Variants in TNNI3K observed in about 807,000 individuals in gnomAD.
TNNI3K encodes the protein TNNI3 interacting kinase.
TNNI3K carries 140 observed loss-of-function variants against 114.5 expected under a neutral mutation model. That is an observed-to-expected ratio of 1.22 (90% CI 1.07 to 1.41). TNNI3K has a LOEUF of 1.41. Among genes scored for constraint, TNNI3K ranks in the 40% most tolerant of loss-of-function variants. TNNI3K has a pLI of 0.00. For synonymous variants in TNNI3K, 347 were observed against 347.5 expected (o/e 1.00, Z 0.02); for missense variants, 1,125 against 1,007.6 (o/e 1.12, Z -1.58).
intron 23 of TNNI3K, among the ~76,000 whole-genome samples, chr1:74,538,314 G>A (rs1032623962): frequency 6.6e-6 from 1 of 152,068 alleles, no homozygotes; most frequent in African/African-American, 2.4e-5. Flanking sequence ...GCTGTGGTAA[G>A]GCTTTTATTA....
At chr1:74,473,656 A>G (rs1396828212) in intron 21 of TNNI3K, among the ~76,000 whole-genome samples, 2 of 152,036 alleles carry the variant, frequency 1.3e-5, no homozygotes, top group Admixed American at 1.3e-4. Context: ...CCCAAGAGGT[A>G]AACTAAGTTC....
At chr1:74,394,532 T>C (rs1037446136) in intron 17 of TNNI3K, among the ~76,000 whole-genome samples, 1 of 152,170 alleles carries the variant, frequency 6.6e-6, no homozygotes, top group Non-Finnish European at 1.5e-5. Context: ...GATGCCTGCT[T>C]GTCAGCAACC....
intron 13 of TNNI3K, among the ~76,000 whole-genome samples, chr1:74,368,297 A>G (rs1039264315): frequency 6.6e-6 from 1 of 151,802 alleles, no homozygotes; most frequent in African/African-American, 2.4e-5. Context: ...ATGTGAAAAA[A>G]TATATATTAT....
intron 17 of TNNI3K, among the ~76,000 whole-genome samples, chr1:74,377,362 C>G (rs986971918): frequency 6.6e-6 from 1 of 151,942 alleles, no homozygotes; most frequent in Non-Finnish European, 1.5e-5. Flanking sequence ...CAGAATAGGT[C>G]CCAAGATTTG....
chr1:74,275,276 G>C (rs867329113), intron 5 of TNNI3K, among the ~76,000 whole-genome samples: 1 of 151,994 alleles, frequency 6.6e-6, no homozygotes, highest in Non-Finnish European at 1.5e-5. Context: ...AGCAAGTCAC[G>C]TCTTACATGG....
intron 17 of TNNI3K, among the ~76,000 whole-genome samples, chr1:74,426,761 G>T (rs925643): frequency 0.61 from 92,404 of 151,770 alleles, 32,766 homozygotes; most frequent in East Asian, 0.81. Context: ...CATTGCCAGA[G>T]AGTTATTCTT....
chr1:74,259,682 A>G (rs963761367), intron 4 of TNNI3K, among the ~76,000 whole-genome samples: 1 of 152,162 alleles, frequency 6.6e-6, no homozygotes, highest in Admixed American at 6.5e-5. Context: ...CTAAGGTGGG[A>G]GAATCACTTG....
At chr1:74,346,756 T>C (rs1427630180) in intron 9 of TNNI3K, among the ~76,000 whole-genome samples, 1 of 151,374 alleles carries the variant, frequency 6.6e-6, no homozygotes, top group Non-Finnish European at 1.5e-5. Context: ...AAATTTATCA[T>C]CTCACAATTC....
chr1:74,316,162 C>T (rs939727274), intron 5 of TNNI3K, among the ~76,000 whole-genome samples: 2 of 152,128 alleles, frequency 1.3e-5, no homozygotes, highest in Non-Finnish European at 2.9e-5. Context: ...CCTCACCAAG[C>T]TTATGGTCTA....
In TNNI3K at chr1:74,271,594, A is replaced by G. The variant is rs761212957; in HGVS notation, c.334-4A>G. The G allele has an allele frequency of 1.3e-6, 2 of 1,591,956 alleles. No individual in the cohort carries two copies. The highest frequency in any genetic ancestry group is 1.7e-6 in the Non-Finnish European group (2 of 1,168,168). ...AGTAACACTAAAGATATGTTTCCTT[A>G]CAGGATAATGCAGAATTGATCACTT... On this transcript the variant is annotated splice_region_variant and splice_polypyrimidine_tract_variant and intron_variant, in intron 4 of 24. Coordinates refer to ENST00000326637, the MANE Select transcript of TNNI3K (RefSeq NM_015978.3).
intron 23 of TNNI3K, among the ~76,000 whole-genome samples, chr1:74,505,342 G>A (rs973798518): frequency 1.3e-5 from 2 of 152,106 alleles, no homozygotes; most frequent in African/African-American, 2.4e-5. Flanking sequence ...CTCTGGCCTC[G>A]CCCTGCTCCC....
chr1:74,529,442 G>C (rs902235574), intron 23 of TNNI3K, among the ~76,000 whole-genome samples: 1 of 152,202 alleles, frequency 6.6e-6, no homozygotes. Flanking sequence ...GGAAATTCAA[G>C]TAGAGATGGA....
At chr1:74,446,142 T>C (rs1047636405) in intron 20 of TNNI3K, among the ~76,000 whole-genome samples, 1 of 152,110 alleles carries the variant, frequency 6.6e-6, no homozygotes, top group South Asian at 2.1e-4. Context: ...TTTAACTAGT[T>C]TACAGTCCCA....
chr1:74,531,817 T>C (rs1452509506), intron 23 of TNNI3K, among the ~76,000 whole-genome samples: 3 of 152,208 alleles, frequency 2.0e-5, no homozygotes, highest in East Asian at 3.8e-4. Context: ...AGTGTGCATA[T>C]GGCATTGATC....
intron 9 of TNNI3K, among the ~76,000 whole-genome samples, chr1:74,349,102 T>G (rs1401644162): frequency 6.6e-6 from 1 of 152,222 alleles, no homozygotes; most frequent in African/African-American, 2.4e-5. Context: ...CTTCCAGTTT[T>G]TGCCCATTCA....
chr1:74,488,900 A>G (rs1415223173), intron 21 of TNNI3K, among the ~76,000 whole-genome samples: 2 of 152,184 alleles, frequency 1.3e-5, no homozygotes, highest in African/African-American at 4.8e-5. Context: ...TTGAAGAGGA[A>G]ACCTGCCATT....
intron 7 of TNNI3K, chr1:74,341,513 T>G (rs1434264875): frequency 6.6e-6 from 1 of 152,072 alleles, no homozygotes; most frequent in Non-Finnish European, 1.5e-5. Flanking sequence ...CACTTGATTC[T>G]TGTTGAGGAA....
At chr1:74,488,520 G>A (rs1029584964) in intron 21 of TNNI3K, among the ~76,000 whole-genome samples, 8 of 152,198 alleles carry the variant, frequency 5.3e-5, no homozygotes, top group South Asian at 2.1e-4. Context: ...TTTCTCAGAA[G>A]AGGCCAACAT....
At chr1:74,420,956 G>A (rs1356383014) in intron 17 of TNNI3K, among the ~76,000 whole-genome samples, 1 of 152,046 alleles carries the variant, frequency 6.6e-6, no homozygotes, top group Non-Finnish European at 1.5e-5. Flanking sequence ...TTTTGCATGA[G>A]TGAAAAATCA....
Sources: allele counts gnomAD v4.1 joint callset (sites outside exome capture counted in the v4.1 genomes callset), GRCh38; gene constraint gnomAD v4.1.1; transcripts MANE v1.5; gene names NCBI Gene and HGNC (gene_info 2026-07-23, HGNC 2026-07-21).